MACROD2: variants seen among roughly 807,000 people sequenced by gnomAD.
MACROD2 encodes the protein mono-ADP ribosylhydrolase 2, also known as ADP-ribose glycohydrolase MACROD2.
Under a neutral mutation model 70.4 loss-of-function variants are expected in MACROD2, and 36 were observed. The observed-to-expected ratio is 0.51, with a 90% CI of 0.39 to 0.68. The LOEUF (loss-of-function observed/expected upper bound fraction) is 0.68. Among genes scored for constraint, MACROD2 ranks in the 30% least tolerant of loss-of-function variants. The pLI is 0.00. For missense variants in MACROD2, 496 were observed against 538.4 expected, an observed-to-expected ratio of 0.92 and a Z score of 0.78; for synonymous variants, 172 against 178.8, an observed-to-expected ratio of 0.96 and a Z score of 0.30.
chr20:14,465,841 T>C (rs914339808), intron 3 of MACROD2, among the ~76,000 whole-genome samples: 1 of 152,136 alleles, frequency 6.6e-6, no homozygotes, highest in Non-Finnish European at 1.5e-5. Context: ...TTCTTTTCTT[T>C]AAGAATGTTG....
At chr20:15,695,945 G>A (rs1275246621) in intron 8 of MACROD2, among the ~76,000 whole-genome samples, 1 of 152,168 alleles carries the variant, frequency 6.6e-6, no homozygotes, top group African/African-American at 2.4e-5. Flanking sequence ...CTTTCTGGAG[G>A]AGTCCTTAGG....
chr20:15,938,217 T>G (rs927999670), intron 12 of MACROD2, among the ~76,000 whole-genome samples: 2 of 152,204 alleles, frequency 1.3e-5, no homozygotes, highest in Non-Finnish European at 2.9e-5. Flanking sequence ...CTCTCCTGGT[T>G]CATTGGCAAG....
chr20:14,095,853 A>C (rs1407621757), intron 3 of MACROD2, among the ~76,000 whole-genome samples: 1 of 152,208 alleles, frequency 6.6e-6, no homozygotes, highest in East Asian at 1.9e-4. Context: ...AACATGGCCT[A>C]CTGAAGTGTA....
intron 4 of MACROD2, among the ~76,000 whole-genome samples, chr20:14,602,723 C>T (rs1259003367): frequency 1.3e-5 from 2 of 152,178 alleles, no homozygotes; most frequent in African/African-American, 2.4e-5. Context: ...GTTTTCTATA[C>T]TGTTCAGCAT....
At chr20:16,045,351 C>T (rs904071024) in intron 17 of MACROD2, among the ~76,000 whole-genome samples, 6 of 152,116 alleles carry the variant, frequency 3.9e-5, no homozygotes, top group Non-Finnish European at 5.9e-5. Context: ...GTAACTGAGT[C>T]CAAAGCCAGT....
chr20:15,258,426 C>A (rs993223160), intron 6 of MACROD2, among the ~76,000 whole-genome samples: 3 of 152,072 alleles, frequency 2.0e-5, no homozygotes, highest in Admixed American at 6.6e-5. Context: ...ATCTTTTATA[C>A]CATACTTTTA....
At chr20:15,299,865 AC>A (rs2077625862) in intron 6 of MACROD2, among the ~76,000 whole-genome samples, 1 of 152,216 alleles carries the variant, frequency 6.6e-6, no homozygotes, top group Admixed American at 6.5e-5. Flanking sequence ...GAGAAAACTT[AC>A]CCAGAGAGAA....
At chr20:15,370,033 C>T (rs538712772) in intron 6 of MACROD2, among the ~76,000 whole-genome samples, 3 of 152,086 alleles carry the variant, frequency 2.0e-5, no homozygotes, top group Admixed American at 6.5e-5. Flanking sequence ...AAATGCATGC[C>T]AAGATGAAAC....
chr20:15,340,136 T>C (rs1209695204), intron 6 of MACROD2, among the ~76,000 whole-genome samples: 4 of 84,502 alleles, frequency 4.7e-5, no homozygotes, highest in African/African-American at 2.5e-4. Flanking sequence ...CTTTCTTTTT[T>C]TTTTTTTTTT....
At chr20:15,282,813 C>T (rs1038576134) in intron 6 of MACROD2, among the ~76,000 whole-genome samples, 1 of 152,174 alleles carries the variant, frequency 6.6e-6, no homozygotes, top group Non-Finnish European at 1.5e-5. Flanking sequence ...TTCTGGGTAT[C>T]TTTATTAGCA....
At chr20:15,174,778 G>GT (rs1382315296) in intron 5 of MACROD2, among the ~76,000 whole-genome samples, 2 of 152,034 alleles carry the variant, frequency 1.3e-5, no homozygotes, top group Non-Finnish European at 2.9e-5. Flanking sequence ...TTTTTCATGT[G>GT]TTTTTTTGGC....
intron 8 of MACROD2, among the ~76,000 whole-genome samples, chr20:15,635,978 G>A (rs2049357939): frequency 6.7e-6 from 1 of 148,988 alleles, no homozygotes; most frequent in Admixed American, 6.8e-5. Context: ...TGAGGCAGGA[G>A]AACTGTTCGA....
chr20:15,149,493 C>A (rs547514312), intron 5 of MACROD2, among the ~76,000 whole-genome samples: 121 of 151,682 alleles, frequency 8.0e-4, no homozygotes, highest in Admixed American at 2.5e-3. Flanking sequence ...TGTGGGAGGT[C>A]GGATTGAAGT....
At chr20:15,366,186 G>A (rs945784065) in intron 6 of MACROD2, among the ~76,000 whole-genome samples, 2 of 152,172 alleles carry the variant, frequency 1.3e-5, no homozygotes, top group African/African-American at 4.8e-5. Flanking sequence ...CCAACTGTGT[G>A]TATCCAGTGA....
At chr20:14,264,398 G>C (rs543501062) in intron 3 of MACROD2, among the ~76,000 whole-genome samples, 1 of 152,170 alleles carries the variant, frequency 6.6e-6, no homozygotes, top group Non-Finnish European at 1.5e-5. Flanking sequence ...GGTGATTTCT[G>C]TGTTGCAGAG....
At chr20:15,782,686 T>C (rs1201440715) in intron 8 of MACROD2, among the ~76,000 whole-genome samples, 1 of 104,734 alleles carries the variant, frequency 9.5e-6, no homozygotes, top group Non-Finnish European at 1.8e-5. Context: ...AGAGGGGAAA[T>C]AGAGGGAGAC....
chr20:14,844,512 A>G (rs1287424862), intron 5 of MACROD2, among the ~76,000 whole-genome samples: 2 of 151,950 alleles, frequency 1.3e-5, no homozygotes, highest in Admixed American at 6.6e-5. Flanking sequence ...GCAAGACTCC[A>G]TCTCAAAAAA....
intron 15 of MACROD2, among the ~76,000 whole-genome samples, chr20:15,994,263 G>A (rs1239902664): frequency 6.6e-6 from 1 of 152,138 alleles, no homozygotes; most frequent in Non-Finnish European, 1.5e-5. Context: ...ACACACTGTA[G>A]ATGAAGTTGT....
chr20:14,974,935 C>G (rs1313186423), intron 5 of MACROD2, among the ~76,000 whole-genome samples: 1 of 152,110 alleles, frequency 6.6e-6, no homozygotes, highest in African/African-American at 2.4e-5. Flanking sequence ...GACAGACAAG[C>G]TAGACCCTTG....
Sources: allele counts gnomAD v4.1 joint callset (sites outside exome capture counted in the v4.1 genomes callset), GRCh38; gene constraint gnomAD v4.1.1; transcripts MANE v1.5; gene names NCBI Gene and HGNC (gene_info 2026-07-23, HGNC 2026-07-21).